Variants in TRPM5 observed in about 807,000 individuals in gnomAD.
The protein encoded by TRPM5 is MLSN1 and TRP-related.
In TRPM5, 121 loss-of-function variants were observed where a neutral mutation model predicts 124.9. That is an observed-to-expected ratio of 0.97 (90% CI 0.84 to 1.13). The LOEUF is 1.13. Ranked by LOEUF, TRPM5 falls within the 50% of genes most tolerant of loss-of-function variation. The pLI is 0.00. For missense variants in TRPM5, 1,643 were observed against 1,589.1 expected, an observed-to-expected ratio of 1.03 and a Z score of -0.58; for synonymous variants, 781 against 700.5, an observed-to-expected ratio of 1.11 and a Z score of -1.81.
At chr11:2,404,710 G>A in exon 24 of TRPM5, 1 of 543,890 alleles carries the variant, frequency 1.8e-6, no homozygotes, top group Non-Finnish European at 3.3e-6. Context: ...AGTTGTGCCT[G>A]TCAGGGGAGA....
intron 18 of TRPM5, chr11:2,410,803 AGG>A: frequency 2.5e-6 from 1 of 402,792 alleles, no homozygotes; most frequent in Non-Finnish European, 4.9e-6. Flanking sequence ...AGGAGCAGCC[AGG>A]GTGCCTTTAG....
chr11:2,435,248 C>G, the TRPM5 span, among the ~76,000 whole-genome samples: 1 of 152,124 alleles, frequency 6.6e-6, no homozygotes, highest in South Asian at 2.1e-4. The surrounding 1 kb of genome is among the most constrained non-coding windows in gnomAD (Gnocchi z 4.1). Context: ...GGAGGCCCAG[C>G]GGCTGCAAGA....
chr11:2,417,033 C>G (rs147329459), intron 7 of TRPM5, among the ~76,000 whole-genome samples: 2 of 152,086 alleles, frequency 1.3e-5, no homozygotes, highest in Non-Finnish European at 2.9e-5. Context: ...GGAAGCAGAT[C>G]GATGGTTCCC....
upstream of TRPM5, among the ~76,000 whole-genome samples, chr11:2,427,484 C>T (rs12576481): frequency 0.056 from 8,461 of 152,284 alleles, 359 homozygotes; most frequent in East Asian, 0.22. Flanking sequence ...AATGCCAGCC[C>T]TAGGGAGCTG....
chr11:2,414,783 G>A (rs781417120), exon 11 of TRPM5: 21 of 1,569,046 alleles, frequency 1.3e-5, no homozygotes, highest in Non-Finnish European at 1.6e-5. Context: ...CTCCAGGTGC[G>A]ACATCTCTTT....
chr11:2,414,754 G>A lies in TRPM5; in HGVS notation c.1705C>T (p.Arg569Ter), dbSNP rs774300328. 14 of 1,547,182 alleles carry A rather than the reference G, an allele frequency of 9.0e-6. No individual in the cohort carries two copies. The highest frequency in any genetic ancestry group is 4.8e-5 in the South Asian group (4 of 84,046). Residue 569 changes from arginine (R) to a stop codon, truncating the protein, a stop_gained, in exon 11 of 24, where the codon CGA becomes TGA. Transcript: ENST00000155858. LOFTEE classifies it high-confidence loss of function. ...TCGTATTTCGCCTCGCGCGTGGCTCGGGCCGCCTCGGCCTCCGTCTCCAGG... is the reference window on the plus strand; with the variant it reads ...TCGTATTTCGCCTCGCGCGTGGCTCAGGCCGCCTCGGCCTCCGTCTCCAGG...
At chr11:2,434,014 A>G in the TRPM5 span, among the ~76,000 whole-genome samples, 2 of 149,094 alleles carry the variant, frequency 1.3e-5, no homozygotes, top group Admixed American at 1.3e-4. Flanking sequence ...GTGTGTGTGT[A>G]TGTAGACACT....
intron 12 of TRPM5, 147 bp downstream of exon 17, chr11:2,413,914 C>T: frequency 8.4e-7 from 1 of 1,191,812 alleles, no homozygotes; most frequent in Non-Finnish European, 1.2e-6. Context: ...GGGCGCCTTC[C>T]AGGAACAGAA....
At chr11:2,427,737 T>C (rs1045379505), upstream of TRPM5, among the ~76,000 whole-genome samples, 2 of 152,350 alleles carry the variant, frequency 1.3e-5, no homozygotes, top group Admixed American at 1.3e-4. Flanking sequence ...CCGGGACCGA[T>C]GCAGCTGAAA....
chr11:2,404,722 A>G (rs1424448278), exon 24 of TRPM5: 3 of 545,006 alleles, frequency 5.5e-6, no homozygotes, highest in Non-Finnish European at 9.8e-6. Flanking sequence ...CAGGGGAGAC[A>G]GCCCCATGAC....
At chr11:2,410,947 C>A (rs1265594266) in intron 18 of TRPM5, among the ~76,000 whole-genome samples, 3 of 152,154 alleles carry the variant, frequency 2.0e-5, no homozygotes, top group South Asian at 2.1e-4. Context: ...GCCCAGACCC[C>A]GGATGATGGC....
chr11:2,420,169 C>G, intron 4 of TRPM5, 53 bp downstream of exon 9: 1 of 1,539,442 alleles, frequency 6.5e-7, no homozygotes, highest in Non-Finnish European at 8.7e-7. Context: ...AGGCGGGTCC[C>G]TGGATCCCCA....
chr11:2,407,770 G>A (rs368821972), exon 19 of TRPM5: 47 of 1,613,578 alleles, frequency 2.9e-5, no homozygotes, highest in Admixed American at 2.5e-4. Context: ...TGAACATGGC[G>A]ATGAGCAGGT....
the TRPM5 span, among the ~76,000 whole-genome samples, chr11:2,434,916 GATCACCC>G: frequency 6.6e-6 from 1 of 152,160 alleles, no homozygotes; most frequent in Non-Finnish European, 1.5e-5. Context: ...TCAACCATCC[GATCACCC>G]ATCAGTTCAT....
At position 2,422,141 on chromosome 11, in the gene TRPM5, C is replaced by A; in HGVS notation, c.298G>T (p.Gly100Ter). The A allele has an allele frequency of 6.3e-7, 1 of 1,597,636 alleles. No individual in the cohort carries two copies. Among genetic ancestry groups the A allele is most frequent in the East Asian group, 2.2e-5 (1 of 44,542 alleles). ...CTGCCTGTGCCGGGTGGGGCCTCAC[C>A]TGTGCTCTGAGCCGCCTTCACCAGC... is the stretch of plus-strand genomic sequence containing the variant. Residue 100 changes from glycine (G) to a stop codon, truncating the protein, a stop_gained and splice_region_variant, in exon 2 of 24, where the codon GGA (glycine) becomes TGA (stop). Coordinates refer to ENST00000155858, the Ensembl canonical transcript of TRPM5. LOFTEE classifies it high-confidence loss of function.
chr11:2,415,421 G>C (rs1442703358), exon 9 of TRPM5: 2 of 1,593,252 alleles, frequency 1.3e-6, no homozygotes, highest in Non-Finnish European at 1.7e-6. Flanking sequence ...GCACAAACTC[G>C]GGCTTGTTGC....
chr11:2,418,148 G>A lies in TRPM5; in HGVS notation c.906+19C>T, dbSNP rs781673836. On this transcript the variant is annotated intron_variant, in intron 6 of 23. Coordinates refer to ENST00000155858, the Ensembl canonical transcript of TRPM5. ...CCCGGAGGAGGGGTCGGGAGGACAG[G>A]GGAGGGGGCAGCACATACCAGCTTG... The A allele has an allele frequency of 1.3e-6, 2 of 1,533,858 alleles. No homozygotes were observed. The highest frequency in any genetic ancestry group is 1.4e-5 in the African/African-American group (1 of 73,410).
chr11:2,413,184 G>A (rs753462447), exon 14 of TRPM5: 37 of 1,551,702 alleles, frequency 2.4e-5, no homozygotes, highest in Middle Eastern at 3.9e-4. Context: ...GGCTGTCCAG[G>A]TCCTGCAGGT....
At chr11:2,415,288 C>T (rs754368523) in exon 9 of TRPM5, 45 of 1,576,954 alleles carry the variant, frequency 2.9e-5, no homozygotes, top group Non-Finnish European at 4.3e-6. Context: ...AGCCGGGCCT[C>T]CTCCTGCTTC....
Sources: allele counts gnomAD v4.1 joint callset (sites outside exome capture counted in the v4.1 genomes callset), GRCh38; gene constraint gnomAD v4.1.1; non-coding constraint Gnocchi (gnomAD v3.1); transcripts MANE v1.5; gene names NCBI Gene and HGNC (gene_info 2026-07-23, HGNC 2026-07-21).